DGKB: variants seen among roughly 807,000 people sequenced by gnomAD.
The protein encoded by DGKB is 90 kDa diacylglycerol kinase.
In DGKB, 67 loss-of-function variants were observed where a neutral mutation model predicts 114.3. That is an observed-to-expected ratio of 0.59 (90% CI 0.48 to 0.72). The LOEUF is 0.72. Among genes scored for constraint, DGKB ranks in the 30% least tolerant of loss-of-function variants. The probability of loss-of-function intolerance (pLI) is 0.00; values close to 1 mark genes in which losing one functional copy is unlikely to be tolerated. For missense variants in DGKB, 907 were observed against 975.2 expected (o/e 0.93, Z 0.93); for synonymous variants, 398 against 323.1 (o/e 1.23, Z -2.49).
chr7:14,939,621 CT>C (rs60427374), intron 1 of DGKB, among the ~76,000 whole-genome samples: 5,649 of 83,724 alleles, frequency 0.067, 21 homozygotes, highest in Middle Eastern at 0.094. Context: ...AAATATAATA[CT>C]TTTTTTTTTT....
chr7:14,925,225 C>T (rs1784689625), intron 1 of DGKB, among the ~76,000 whole-genome samples: 1 of 152,184 alleles, frequency 6.6e-6, no homozygotes, highest in African/African-American at 2.4e-5. Context: ...AAGAAAGCTA[C>T]TGTGACCATC....
intron 21 of DGKB, among the ~76,000 whole-genome samples, chr7:14,349,016 C>G (rs961009832): frequency 7.2e-5 from 11 of 151,936 alleles, no homozygotes; most frequent in Non-Finnish European, 1.5e-4. Flanking sequence ...AGAGGGGTGA[C>G]ATCGTGAACT....
rs886531420 is a variant in DGKB at position 14,339,451 on chromosome 7, A to G, written c.1927-741T>C. Among the ~76,000 whole-genome samples, 5 of 152,092 alleles carry G rather than the reference A, an allele frequency of 3.3e-5. No individual in the cohort carries two copies. The East Asian group carries it at 5.8e-4, about 18-fold the overall frequency. On this transcript the variant is annotated intron_variant, in intron 22 of 25. Transcript: ENST00000402815. ...TGCAAAAATGGTTAAAAAAAAACCA[A>G]GGTTAATCAGCCCAATTTTTCTTAT...
rs569909660 is a variant in DGKB, at chr7:14,889,871, A to G, written c.-188+12721T>C. Among the ~76,000 whole-genome samples the G allele has an allele frequency of 2.6e-5, 4 of 151,670 alleles. No homozygotes were observed. In the East Asian group the frequency reaches 7.8e-4, roughly 30 times the overall value. On this transcript the variant is annotated intron_variant, in intron 1 of 25. Coordinates refer to ENST00000402815, the MANE Select transcript of DGKB (RefSeq NM_001350709.2). ...TTTAACCCAGACCTGTCAAGGAAGT[A>G]TTTCTGCAAAGTCAAAATAAGTTTT...
chr7:14,198,462 C>T (rs1353191921), intron 23 of DGKB, among the ~76,000 whole-genome samples: 11 of 151,906 alleles, frequency 7.2e-5, no homozygotes, highest in Admixed American at 7.2e-4. Flanking sequence ...TAAATCAGTC[C>T]CCCAAACCCC....
chr7:14,158,210 A>T (rs903593802), intron 25 of DGKB, among the ~76,000 whole-genome samples: 3 of 152,206 alleles, frequency 2.0e-5, no homozygotes, highest in African/African-American at 7.2e-5. Context: ...TACTATATTT[A>T]GTCCCGTGGA....
At chr7:14,956,498 T>C (rs912194741) in intron 1 of DGKB, among the ~76,000 whole-genome samples, 5 of 152,032 alleles carry the variant, frequency 3.3e-5, no homozygotes, top group African/African-American at 1.2e-4. Flanking sequence ...TAGTAAGTAA[T>C]TTACTAATGG....
chr7:14,837,533 T>C (rs1336310360), intron 2 of DGKB, among the ~76,000 whole-genome samples: 1 of 152,196 alleles, frequency 6.6e-6, no homozygotes, highest in Non-Finnish European at 1.5e-5. Context: ...GTTGCAAATT[T>C]AACTTTAAAT....
chr7:14,253,017 T>G lies in DGKB; in HGVS notation c.2123-74866A>C, dbSNP rs1449562672. Among the ~76,000 whole-genome samples the G allele has an allele frequency of 4.6e-5, 7 of 152,200 alleles. No homozygotes were observed. The South Asian group carries it at 1.2e-3, about 27-fold the overall frequency. On this transcript the variant is annotated intron_variant, in intron 23 of 25. Coordinates refer to ENST00000402815, the MANE Select transcript of DGKB (RefSeq NM_001350709.2). Reference sequence around the variant, plus strand: ...TAGCTCTTGTGAAGATATCTTTGCATGTAAATGATTGTTTAAATTCATTTT... The same window carrying G: ...TAGCTCTTGTGAAGATATCTTTGCAGGTAAATGATTGTTTAAATTCATTTT...
chr7:14,823,471 T>G (rs1444502925), intron 2 of DGKB, among the ~76,000 whole-genome samples: 1 of 152,238 alleles, frequency 6.6e-6, no homozygotes, highest in East Asian at 1.9e-4. Context: ...ATAGAGAATT[T>G]CAGATTTTTT....
chr7:14,216,992 A>G (rs1395446207), intron 23 of DGKB, among the ~76,000 whole-genome samples: 2 of 152,108 alleles, frequency 1.3e-5, no homozygotes, highest in Non-Finnish European at 2.9e-5. Context: ...ACAAATATAT[A>G]GTTTTAAAAG....
At position 14,338,696 on chromosome 7, in the gene DGKB, C is replaced by T. The variant is rs370147098; in HGVS notation, c.1941G>A (p.Gln647=). 3 of 1,576,364 alleles carry T rather than the reference C, an allele frequency of 1.9e-6. No homozygotes were observed. Among genetic ancestry groups the T allele is most frequent in the African/African-American group, 2.7e-5 (2 of 73,096 alleles). ...ESVEIECDGV[Q]IDLINISLEG... The stretch of plus-strand genomic sequence containing the variant: ...CCAGAGAGATGTTTATTAAATCTAT[C>T]TGTACTCCATCACACTGATCGGTAA... Residue 647 remains glutamine (Q), a synonymous_variant, in exon 23 of 26, where the codon CAG becomes CAA. Transcript: ENST00000402815.
intron 21 of DGKB, among the ~76,000 whole-genome samples, chr7:14,388,411 T>C (rs900694910): frequency 6.7e-6 from 1 of 148,192 alleles, no homozygotes; most frequent in East Asian, 2.0e-4. Context: ...TGTATGTAGA[T>C]GTGTGTTTGT....
At chr7:14,266,029 A>G (rs993340131) in intron 23 of DGKB, among the ~76,000 whole-genome samples, 1 of 152,138 alleles carries the variant, frequency 6.6e-6, no homozygotes, top group Non-Finnish European at 1.5e-5. Context: ...AAGTCGGTAA[A>G]TGCTACTGAG....
intron 1 of DGKB, among the ~76,000 whole-genome samples, chr7:14,946,906 A>G (rs1785911963): frequency 6.6e-6 from 1 of 151,728 alleles, no homozygotes; most frequent in African/African-American, 2.4e-5. Flanking sequence ...CACATTTATT[A>G]CCTGATATAA....
At chr7:14,833,914 T>C (rs1846777266) in intron 2 of DGKB, among the ~76,000 whole-genome samples, 1 of 152,184 alleles carries the variant, frequency 6.6e-6, no homozygotes, top group South Asian at 2.1e-4. Context: ...TCCAAGAATC[T>C]TGCATACGTA....
At chr7:14,266,684 AT>A (rs1423412246) in intron 23 of DGKB, among the ~76,000 whole-genome samples, 2 of 152,188 alleles carry the variant, frequency 1.3e-5, no homozygotes, top group East Asian at 3.9e-4. Flanking sequence ...AAATGACAAC[AT>A]TTTGTCATTC....
At chr7:14,483,756 T>C (rs1314519539) in intron 20 of DGKB, among the ~76,000 whole-genome samples, 1 of 152,174 alleles carries the variant, frequency 6.6e-6, no homozygotes. Context: ...GAGGAGACGA[T>C]GCGACTACAA....
At chr7:14,597,547 A>T (rs1563632972) in intron 17 of DGKB, among the ~76,000 whole-genome samples, 1 of 152,154 alleles carries the variant, frequency 6.6e-6, no homozygotes, top group Non-Finnish European at 1.5e-5. Flanking sequence ...GAACACTGTT[A>T]CCCAATAATA....
Sources: gnomAD v4.1 joint callset for allele counts (sites outside exome capture counted in the v4.1 genomes callset) on GRCh38, gnomAD v4.1.1 for gene constraint, MANE v1.5 for transcripts, NCBI Gene and HGNC (gene_info 2026-07-23, HGNC 2026-07-21) for gene names.